Variants in PCDHGB1 observed in about 807,000 individuals in gnomAD.
The protein encoded by PCDHGB1 is protocadherin gamma-B1.
A neutral mutation model predicts 56.6 loss-of-function variants in PCDHGB1; 34 were observed. That is an observed-to-expected ratio of 0.60 (90% CI 0.46 to 0.80). The LOEUF is 0.80. Among genes scored for constraint, PCDHGB1 ranks in the 30% least tolerant of loss-of-function variants. The pLI is 0.00. For synonymous variants in PCDHGB1, 561 were observed against 505.9 expected (o/e 1.11, Z -1.46); for missense variants, 1,278 against 1,204.6 (o/e 1.06, Z -0.90).
chr5:141,443,104 C>A (rs950011995), intron 1 of PCDHGB1, among the ~76,000 whole-genome samples: 1 of 151,854 alleles, frequency 6.6e-6, no homozygotes, highest in East Asian at 1.9e-4. Flanking sequence ...TCAAGCTGAA[C>A]CTTGCTTTTC....
At chr5:141,361,434 C>T in intron 1 of PCDHGB1, 1 of 1,614,066 alleles carries the variant, frequency 6.2e-7, no homozygotes, top group Non-Finnish European at 8.5e-7. Context: ...CGCCCCTCTC[C>T]TCCAGCATAA....
intron 2 of PCDHGB1, among the ~76,000 whole-genome samples, chr5:141,500,812 T>C: frequency 6.6e-6 from 1 of 152,322 alleles, no homozygotes; most frequent in South Asian, 2.1e-4. Flanking sequence ...CATATGAATA[T>C]ACATATTATT....
In PCDHGB1 at chr5:141,490,175, A is replaced by C; in HGVS notation, c.2410-4632A>C. The C allele has an allele frequency of 1.9e-6, 3 of 1,614,194 alleles. No homozygotes were observed. Among genetic ancestry groups the C allele is most frequent in the East Asian group, 4.5e-5 (2 of 44,884 alleles). On this transcript the variant is annotated intron_variant, in intron 1 of 3. Coordinates refer to ENST00000523390, the MANE Select transcript of PCDHGB1 (RefSeq NM_018922.3). This position sits in a 1 kb window ranked among gnomAD's most constrained non-coding sequence, Gnocchi z 5.4. ...GTGTTGGGTCCCATAGACTTTGAGG[A>C]GTCACGTTTCTATGAAATTCATGCA...
rs778008159 is a variant in PCDHGB1, at chr5:141,356,201, T to C, written c.2409+3532T>C. The C allele has an allele frequency of 6.4e-5, 103 of 1,607,808 alleles. No individual in the cohort carries two copies. Among genetic ancestry groups the C allele is most frequent in the Middle Eastern group, 1.7e-4 (1 of 6,056 alleles). On this transcript the variant is annotated intron_variant, in intron 1 of 3. Transcript: ENST00000523390. Reference sequence around the variant, plus strand: ...GGTCTCCGAGCTAGAAGCAAGGTACTGGTGACAGTTCTGGATGAAAATGAC... The same window carrying C: ...GGTCTCCGAGCTAGAAGCAAGGTACCGGTGACAGTTCTGGATGAAAATGAC...
In PCDHGB1 at chr5:141,350,938, G is replaced by T. The variant is rs1485713028; in HGVS notation, c.678G>T (p.Trp226Cys). The T allele has an allele frequency of 6.2e-7, 1 of 1,614,082 alleles. No homozygotes were observed. Among genetic ancestry groups the T allele is most frequent in the South Asian group, 1.1e-5 (1 of 91,090 alleles). Residue 226 changes from tryptophan to cysteine, a missense_variant, in exon 1 of 4, where the codon TGG becomes TGT. Physicochemically the swap from Trp to Cys is radical, Grantham distance 215. Transcript: ENST00000523390. ...CTCTAAGCGGCACCACCCATATCTG[G>T]ATCCGAGTTACGGATGCCAATGATA... is the stretch of plus-strand genomic sequence containing the variant. ...DPPLSGTTHI[W>C]IRVTDANDNA...
intron 1 of PCDHGB1, chr5:141,418,790 G>A (rs1434374059): frequency 2.5e-6 from 4 of 1,613,758 alleles, no homozygotes; most frequent in Admixed American, 3.3e-5. Flanking sequence ...GGATTTTGAA[G>A]AAGTAGAAAG....
intron 1 of PCDHGB1, among the ~76,000 whole-genome samples, chr5:141,458,992 C>G (rs1268862644): frequency 6.6e-6 from 1 of 152,190 alleles, no homozygotes; most frequent in African/African-American, 2.4e-5. Flanking sequence ...CTCACCCTCC[C>G]AAAGTGCTGG....
chr5:141,392,841 C>T (rs1464167244), intron 1 of PCDHGB1: 3 of 1,608,800 alleles, frequency 1.9e-6, no homozygotes, highest in Non-Finnish European at 8.5e-7. Flanking sequence ...TCGCCCCAGA[C>T]GCGGCGAGCT....
rs1387178628 is a variant in PCDHGB1, at chr5:141,352,318, T to C, written c.2058T>C (p.Phe686=). ...EPSDPQTELQ[F]YLVVALALIS... is the part of the protein sequence containing the mutation. ...CTGACCCCCAGACGGAACTGCAGTT[T>C]TACCTGGTTGTGGCCTTGGCCTTGA... is the stretch of plus-strand genomic sequence containing the variant. The change falls in exon 1 of 4, where the codon TTT becomes TTC. Residue 686 remains phenylalanine (F), a synonymous_variant. Transcript: ENST00000523390. 10 of 1,613,912 alleles carry C rather than the reference T, an allele frequency of 6.2e-6. No individual in the cohort carries two copies. Among genetic ancestry groups the C allele is most frequent in the Non-Finnish European group, 8.5e-6 (10 of 1,179,904 alleles).
rs570673080 is a variant in PCDHGB1 at position 141,360,152 on chromosome 5, G to A, written c.2409+7483G>A. ...AGCCAGAAGATGAAAGCGAGCTCAGGGAGGTGCGGGCTGGTGCGGTGGCTG... is the reference window on the plus strand; with the variant it reads ...AGCCAGAAGATGAAAGCGAGCTCAGAGAGGTGCGGGCTGGTGCGGTGGCTG... On this transcript the variant is annotated intron_variant, in intron 1 of 3. Coordinates refer to ENST00000523390, the MANE Select transcript of PCDHGB1 (RefSeq NM_018922.3). 6.9e-6 allele frequency: 11 copies of A among 1,603,472 alleles called. No homozygotes were observed. In the Admixed American group the frequency reaches 1.9e-4, roughly 27 times the overall value.
At chr5:141,440,221 C>A (rs557068282) in intron 1 of PCDHGB1, 2 of 152,450 alleles carry the variant, frequency 1.3e-5, no homozygotes, top group Admixed American at 6.5e-5. Context: ...GTAATCCCAG[C>A]ACTTTGGGAG....
intron 1 of PCDHGB1, chr5:141,409,628 G>A (rs367728235): frequency 1.2e-6 from 2 of 1,613,730 alleles, no homozygotes; most frequent in Non-Finnish European, 1.7e-6. Context: ...GCAAGTGAGC[G>A]CCTCTGACCC....
rs1316659737 is a variant in PCDHGB1 at position 141,490,964 on chromosome 5, C to T, written c.2410-3843C>T. ...CCACGGCCAGACTGGGAACACTCAG[C>T]CCCCCAGCGTCTCCCTCGCTCTGCT... On this transcript the variant is annotated intron_variant, in intron 1 of 3. Transcript: ENST00000523390. The surrounding 1 kb of genome is among the most constrained non-coding windows in gnomAD (Gnocchi z 5.4). 2.5e-6 allele frequency: 4 copies of T among 1,613,608 alleles called. No homozygotes were observed. Among genetic ancestry groups the T allele is most frequent in the East Asian group, 2.2e-5 (1 of 44,882 alleles).
rs905837179 is a variant in PCDHGB1 at position 141,478,541 on chromosome 5, G to A, written c.2410-16266G>A. ...GTTGGGTGCAGAGAGCGCCCCTCCCGGACAGGTAAGGTTTAGCAAGTCATG... is the reference window on the plus strand; with the variant it reads ...GTTGGGTGCAGAGAGCGCCCCTCCCAGACAGGTAAGGTTTAGCAAGTCATG... On this transcript the variant is annotated intron_variant, in intron 1 of 3. Coordinates refer to ENST00000523390, the MANE Select transcript of PCDHGB1 (RefSeq NM_018922.3). 4 of 1,605,470 alleles carry A rather than the reference G, an allele frequency of 2.5e-6. No homozygotes were observed. The Admixed American group carries it at 5.2e-5, about 21-fold the overall frequency.
At position 141,366,991 on chromosome 5, in the gene PCDHGB1, A is replaced by G. The variant is rs1764892123; in HGVS notation, c.2409+14322A>G. The G allele has an allele frequency of 1.3e-5, 6 of 477,098 alleles. No individual in the cohort carries two copies. The South Asian group carries it at 2.2e-4, about 18-fold the overall frequency. 29.6% of individuals were successfully genotyped at this position (477,098 alleles called of 1,614,324 possible). A position where few individuals can be genotyped will look rare whatever the true frequency, so the allele number is the denominator to read the frequency against. Reference sequence around the variant, plus strand: ...AAATACCTTAAAGGAAAGTGGTTAAATATAATCATTTTACCCAAATATTTT... The same window carrying G: ...AAATACCTTAAAGGAAAGTGGTTAAGTATAATCATTTTACCCAAATATTTT... On this transcript the variant is annotated intron_variant, in intron 1 of 3. Coordinates refer to ENST00000523390, the MANE Select transcript of PCDHGB1 (RefSeq NM_018922.3).
intron 1 of PCDHGB1, chr5:141,404,478 CAG>C (rs749664270): frequency 1.9e-6 from 3 of 1,613,412 alleles, no homozygotes; most frequent in Non-Finnish European, 2.5e-6. Context: ...TCTATTAACT[CAG>C]ACACTGGTGT....
Position 141,410,397 on chromosome 5 carries a change from G to T in PCDHGB1, c.2409+57728G>T, listed in dbSNP as rs1338071222. Reference sequence around the variant, plus strand: ...TGGGACTGCTTCCATCCTGGTCTCTGTGTCAAGTCTGGACCTGTAGTTCCC... The same window carrying T: ...TGGGACTGCTTCCATCCTGGTCTCTTTGTCAAGTCTGGACCTGTAGTTCCC... On this transcript the variant is annotated intron_variant, in intron 1 of 3. Coordinates refer to ENST00000523390, the MANE Select transcript of PCDHGB1 (RefSeq NM_018922.3). The T allele has an allele frequency of 3.7e-6, 6 of 1,613,930 alleles. No homozygotes were observed. The African/African-American group carries it at 8.0e-5, about 22-fold the overall frequency.
intron 1 of PCDHGB1, among the ~76,000 whole-genome samples, chr5:141,457,755 A>G (rs1011599369): frequency 2.0e-5 from 3 of 152,226 alleles, no homozygotes; most frequent in African/African-American, 4.8e-5. Flanking sequence ...GAGCCCAGAC[A>G]TGGGTTTGTA....
rs1282403944 is a variant in PCDHGB1 at position 141,485,452 on chromosome 5, G to A, written c.2410-9355G>A. ...TCATCAAGAACCCAATCGACCGAGA[G>A]GCACTGTGTGGGCTCAGTGCCAGCT... On this transcript the variant is annotated intron_variant, in intron 1 of 3. Transcript: ENST00000523390. The surrounding 1 kb of genome is among the most constrained non-coding windows in gnomAD (Gnocchi z 5.7). 2.5e-6 allele frequency: 4 copies of A among 1,614,054 alleles called. No individual in the cohort carries two copies. Among genetic ancestry groups the A allele is most frequent in the East Asian group, 4.5e-5 (2 of 44,884 alleles).
Sources: gnomAD v4.1 joint callset for allele counts (sites outside exome capture counted in the v4.1 genomes callset) on GRCh38, gnomAD v4.1.1 for gene constraint, Gnocchi (gnomAD v3.1) non-coding constraint, MANE v1.5 for transcripts, NCBI Gene and HGNC (gene_info 2026-07-23, HGNC 2026-07-21) for gene names.